Variants in SLC30A9 observed in about 807,000 individuals in gnomAD.
SLC30A9 encodes the protein proton-coupled zinc antiporter SLC30A9, mitochondrial.
A neutral mutation model predicts 87.5 loss-of-function variants in SLC30A9; 58 were observed. The ratio of observed to expected loss-of-function variants is 0.66; its 90% confidence interval spans 0.54 to 0.82. The LOEUF is 0.82. Among genes scored for constraint, SLC30A9 ranks in the 40% least tolerant of loss-of-function variants. The pLI is 0.00. For synonymous variants in SLC30A9, 234 were observed against 233.0 expected, an observed-to-expected ratio of 1.00 and a Z score of -0.04; for missense variants, 557 against 679.1, an observed-to-expected ratio of 0.82 and a Z score of 2.00.
At chr4:41,993,806 ATATAT>A (rs1397835507) in intron 1 of SLC30A9, among the ~76,000 whole-genome samples, 4 of 152,348 alleles carry the variant, frequency 2.6e-5, no homozygotes, top group African/African-American at 4.8e-5. Flanking sequence ...GGAAACTGAA[ATATAT>A]TATGATACCT....
chr4:42,015,062 G>T (rs1222957073), intron 2 of SLC30A9, among the ~76,000 whole-genome samples: 1 of 137,994 alleles, frequency 7.2e-6, no homozygotes, highest in African/African-American at 3.3e-5. Flanking sequence ...GTATAATTGG[G>T]TTCTTTGTAA....
chr4:41,998,245 C>A (rs1369606552), intron 1 of SLC30A9, among the ~76,000 whole-genome samples: 1 of 152,168 alleles, frequency 6.6e-6, no homozygotes, highest in Non-Finnish European at 1.5e-5. Context: ...TCTGAGTAGA[C>A]TGCTGATAGG....
intron 6 of SLC30A9, chr4:42,029,325 C>T (rs1304274809): frequency 5.6e-6 from 3 of 531,942 alleles, no homozygotes; most frequent in Non-Finnish European, 1.1e-5. Context: ...TTCTATTCTA[C>T]ATAATATTTT....
intron 15 of SLC30A9, among the ~76,000 whole-genome samples, chr4:42,071,689 AAAAGATT>A (rs1489800317): frequency 3.9e-5 from 6 of 152,132 alleles, no homozygotes; most frequent in Admixed American, 2.0e-4. Flanking sequence ...AAAAAAAAAA[AAAAGATT>A]AGAAGTTGAG....
chr4:41,998,893 G>A (rs1714860560), intron 1 of SLC30A9, among the ~76,000 whole-genome samples: 1 of 152,092 alleles, frequency 6.6e-6, no homozygotes, highest in Non-Finnish European at 1.5e-5. Flanking sequence ...AAATGTATGT[G>A]CCATTTTCTG....
chr4:42,022,244 C>CTTTTTT (rs113214269), intron 4 of SLC30A9, among the ~76,000 whole-genome samples: 2,194 of 128,476 alleles, frequency 0.017, 90 homozygotes, highest in South Asian at 0.041. Flanking sequence ...TTATTTTTCA[C>CTTTTTT]TTTTTTTTTT....
intron 6 of SLC30A9, chr4:42,029,851 G>C: frequency 1.3e-5 from 9 of 717,494 alleles, no homozygotes; most frequent in Middle Eastern, 2.5e-4. Context: ...CCTGTTCAGT[G>C]CACTGGCTAG....
chr4:41,998,754 C>T (rs1369043005), intron 1 of SLC30A9, among the ~76,000 whole-genome samples: 1 of 152,104 alleles, frequency 6.6e-6, no homozygotes, highest in Non-Finnish European at 1.5e-5. Context: ...ATGAGCCATG[C>T]ACCCTGCGGA....
chr4:42,008,906 G>C (rs1715326147), intron 2 of SLC30A9, among the ~76,000 whole-genome samples: 1 of 152,156 alleles, frequency 6.6e-6, no homozygotes, highest in Non-Finnish European at 1.5e-5. Flanking sequence ...ATGGAGAACT[G>C]CTGGGGTAAA....
intron 7 of SLC30A9, among the ~76,000 whole-genome samples, chr4:42,036,233 A>G (rs951655328): frequency 3.3e-5 from 5 of 152,156 alleles, no homozygotes; most frequent in Admixed American, 1.3e-4. Flanking sequence ...TTCATATTTT[A>G]TTGAAAAAAT....
At chr4:42,013,982 C>T (rs1715573245) in intron 2 of SLC30A9, among the ~76,000 whole-genome samples, 1 of 152,116 alleles carries the variant, frequency 6.6e-6, no homozygotes, top group Non-Finnish European at 1.5e-5. Context: ...AAAGTATTTG[C>T]AAACTATTGA....
rs189110147 is a variant in SLC30A9, at chr4:41,999,819, G to A, written c.110-1797G>A. Among the ~76,000 whole-genome samples, 710 of 152,146 alleles carry A rather than the reference G, an allele frequency of 4.7e-3. 6 individuals carry two copies. The highest frequency in any genetic ancestry group is 6.8e-3 in the Non-Finnish European group (463 of 67,952). ...TAACATTTGTAACAACTGGAAATTTGAAATTGAGAATATTTGATATTAAGG... is the reference window on the plus strand; with the variant it reads ...TAACATTTGTAACAACTGGAAATTTAAAATTGAGAATATTTGATATTAAGG... On this transcript the variant is annotated intron_variant, in intron 1 of 17. Transcript: ENST00000264451.
Position 42,001,400 on chromosome 4 carries a change from G to A in SLC30A9, c.110-216G>A, listed in dbSNP as rs113179327. Among the ~76,000 whole-genome samples, 29 of 152,020 alleles carry A rather than the reference G, an allele frequency of 1.9e-4. 1 individual carries two copies. Among genetic ancestry groups the A allele is most frequent in the African/African-American group, 6.3e-4 (26 of 41,518 alleles). ...ATATACCTTTCAAAATAGCTGAATA[G>A]CATAAATATTTTATTTGATTTTTTA... On this transcript the variant is annotated intron_variant, in intron 1 of 17. Coordinates refer to ENST00000264451, the MANE Select transcript of SLC30A9 (RefSeq NM_006345.4).
chr4:42,069,944 A>G (rs1490241039), intron 14 of SLC30A9, among the ~76,000 whole-genome samples: 3 of 152,224 alleles, frequency 2.0e-5, no homozygotes, highest in Non-Finnish European at 4.4e-5. Context: ...CTGCTGGTCC[A>G]GGAACCACAC....
At chr4:42,013,835 C>A (rs1023757676) in intron 2 of SLC30A9, among the ~76,000 whole-genome samples, 2 of 152,130 alleles carry the variant, frequency 1.3e-5, no homozygotes, top group Non-Finnish European at 2.9e-5. Context: ...TTGGACTGGG[C>A]AGATTTCTTG....
intron 2 of SLC30A9, among the ~76,000 whole-genome samples, chr4:42,006,110 T>A (rs973229719): frequency 5.9e-5 from 9 of 152,208 alleles, no homozygotes; most frequent in Admixed American, 2.6e-4. Flanking sequence ...GAATTCGGTA[T>A]TATAAGTAAT....
At position 41,990,756 on chromosome 4, in the gene SLC30A9, C is replaced by G. The variant is rs759993360; in HGVS notation, c.105C>G (p.Arg35=). Residue 35 remains arginine, a synonymous_variant, in exon 1 of 18, where the codon CGC becomes CGG. Coordinates refer to ENST00000264451, the MANE Select transcript of SLC30A9 (RefSeq NM_006345.4). Reference sequence around the variant, plus strand: ...CGGCGGCCTGTAATCCCAGCGACCGCCAGGGTGAGTGTCCCGCGCTGGCCG... The same window carrying G: ...CGGCGGCCTGTAATCCCAGCGACCGGCAGGGTGAGTGTCCCGCGCTGGCCG... ...CRAAACNPSD[R]QEWQNLVTFG... 11 of 1,608,728 alleles carry G rather than the reference C, an allele frequency of 6.8e-6. No homozygotes were observed. In the African/African-American group the frequency reaches 1.3e-4, roughly 20 times the overall value.
At chr4:42,066,667 C>A in intron 13 of SLC30A9, 46 bp downstream of exon 13, 1 of 1,203,928 alleles carries the variant, frequency 8.3e-7, no homozygotes, top group Non-Finnish European at 1.2e-6. Flanking sequence ...CCCTTATTTG[C>A]TTAAAATTAC....
rs751226360 is a variant in SLC30A9 at position 42,060,247 on chromosome 4, G to C, written c.896+1G>C. 1 of 1,607,492 alleles carries C rather than the reference G, an allele frequency of 6.2e-7. No homozygotes were observed. ...TTCAAACACCAGATCCTTCTCATCCGTAAGGACATTGCCTTATTTTGTTTT... is the reference window on the plus strand; with the variant it reads ...TTCAAACACCAGATCCTTCTCATCCCTAAGGACATTGCCTTATTTTGTTTT... On this transcript the variant is annotated splice_donor_variant, in intron 10 of 17. Transcript: ENST00000264451. LOFTEE classifies it high-confidence loss of function.
Sources: allele counts gnomAD v4.1 joint callset (sites outside exome capture counted in the v4.1 genomes callset), GRCh38; gene constraint gnomAD v4.1.1; transcripts MANE v1.5; gene names NCBI Gene and HGNC (gene_info 2026-07-23, HGNC 2026-07-21).